Variants in SCFD2 observed in about 807,000 individuals in gnomAD.
The protein encoded by SCFD2 is sec1 family domain containing 2.
A neutral mutation model predicts 58.9 loss-of-function variants in SCFD2; 54 were observed. That is an observed-to-expected ratio of 0.92 (90% CI 0.74 to 1.15). The LOEUF is 1.15. SCFD2 is among the 50% of genes most tolerant of loss of function. The pLI is 0.00. For missense variants in SCFD2, 805 were observed against 836.6 expected (o/e 0.96, Z 0.47); for synonymous variants, 321 against 335.9 (o/e 0.96, Z 0.49).
At chr4:53,076,229 G>T (rs1371838281) in intron 5 of SCFD2, among the ~76,000 whole-genome samples, 2 of 151,838 alleles carry the variant, frequency 1.3e-5, no homozygotes, top group Non-Finnish European at 1.5e-5. Context: ...TCCCCTTTTG[G>T]TCTTTTCTAA....
intron 3 of SCFD2, among the ~76,000 whole-genome samples, chr4:53,310,766 T>C (rs1732666017): frequency 6.6e-6 from 1 of 152,240 alleles, no homozygotes; most frequent in African/African-American, 2.4e-5. Flanking sequence ...CTCTTGGTGC[T>C]CATAACGTTT....
At chr4:52,904,843 G>C (rs1719308402) in intron 7 of SCFD2, among the ~76,000 whole-genome samples, 1 of 152,194 alleles carries the variant, frequency 6.6e-6, no homozygotes, top group South Asian at 2.1e-4. Context: ...TTTCCTGTGT[G>C]CTCTTAGGAA....
At chr4:53,330,650 T>C (rs1405130067) in intron 2 of SCFD2, among the ~76,000 whole-genome samples, 7 of 151,390 alleles carry the variant, frequency 4.6e-5, no homozygotes, top group Non-Finnish European at 1.0e-4. Flanking sequence ...CATGCCAAAA[T>C]GTAAAGACCA....
chr4:52,962,673 A>AG (rs1253165785), intron 5 of SCFD2, among the ~76,000 whole-genome samples: 2 of 151,376 alleles, frequency 1.3e-5, no homozygotes, highest in African/African-American at 4.8e-5. Flanking sequence ...AATAGTTTAG[A>AG]GGGGGGCAGC....
chr4:53,109,537 C>T (rs1231675062), intron 5 of SCFD2, among the ~76,000 whole-genome samples: 1 of 152,130 alleles, frequency 6.6e-6, no homozygotes, highest in Non-Finnish European at 1.5e-5. Context: ...GATAAAAAAT[C>T]AATGTGCAAA....
chr4:53,233,374 C>T (rs1729499002), intron 4 of SCFD2, among the ~76,000 whole-genome samples: 1 of 152,156 alleles, frequency 6.6e-6, no homozygotes, highest in African/African-American at 2.4e-5. Flanking sequence ...GTTGTATCCT[C>T]CTTGTTTTTC....
intron 4 of SCFD2, among the ~76,000 whole-genome samples, chr4:53,158,021 G>A (rs1726740810): frequency 6.6e-6 from 1 of 152,162 alleles, no homozygotes; most frequent in Non-Finnish European, 1.5e-5. Context: ...AAACTTCCAG[G>A]TTGATGTCAA....
chr4:52,932,548 T>C (rs553997858), intron 5 of SCFD2, among the ~76,000 whole-genome samples: 46 of 152,330 alleles, frequency 3.0e-4, no homozygotes, highest in Non-Finnish European at 4.7e-4. Flanking sequence ...GTCTTTTTTT[T>C]CATATTTTTG....
chr4:53,240,398 G>T (rs904744803), intron 4 of SCFD2, among the ~76,000 whole-genome samples: 2 of 152,186 alleles, frequency 1.3e-5, no homozygotes, highest in Non-Finnish European at 2.9e-5. Context: ...AATGAAAAAT[G>T]GTAGGTAGTA....
intron 5 of SCFD2, among the ~76,000 whole-genome samples, chr4:53,033,738 G>A (rs1475544119): frequency 6.6e-6 from 1 of 152,030 alleles, no homozygotes; most frequent in Non-Finnish European, 1.5e-5. Flanking sequence ...ATAAATTCCT[G>A]GACACAACAC....
intron 4 of SCFD2, among the ~76,000 whole-genome samples, chr4:53,249,791 C>A (rs1349988279): frequency 1.3e-5 from 2 of 152,164 alleles, no homozygotes; most frequent in Non-Finnish European, 2.9e-5. Context: ...AAAAGAGCTC[C>A]TGAAGGAAGC....
intron 5 of SCFD2, among the ~76,000 whole-genome samples, chr4:53,027,075 C>T (rs1722493537): frequency 6.6e-6 from 1 of 152,182 alleles, no homozygotes; most frequent in African/African-American, 2.4e-5. Context: ...TATCAGTGAA[C>T]AGACCTGTCT....
intron 5 of SCFD2, among the ~76,000 whole-genome samples, chr4:53,036,038 T>C (rs1426037912): frequency 6.6e-6 from 1 of 151,812 alleles, no homozygotes; most frequent in African/African-American, 2.4e-5. Flanking sequence ...ATCGTTTTTG[T>C]TTTTATTTTA....
chr4:53,192,307 C>A (rs920760434), intron 4 of SCFD2, among the ~76,000 whole-genome samples: 1 of 152,130 alleles, frequency 6.6e-6, no homozygotes, highest in African/African-American at 2.4e-5. Flanking sequence ...TAGTCTAGTA[C>A]CTTTCCTTAT....
intron 3 of SCFD2, among the ~76,000 whole-genome samples, chr4:53,285,468 C>T (rs1731635429): frequency 6.6e-6 from 1 of 151,782 alleles, no homozygotes; most frequent in Non-Finnish European, 1.5e-5. Context: ...AAACTGCTAG[C>T]CATATTATCA....
chr4:52,957,121 T>C (rs1213405428), intron 5 of SCFD2: 1 of 152,110 alleles, frequency 6.6e-6, no homozygotes, highest in Non-Finnish European at 1.5e-5. Context: ...AATGCAAATG[T>C]TGCTGACATG....
At chr4:53,277,068 T>C (rs1191799589) in intron 3 of SCFD2, among the ~76,000 whole-genome samples, 1 of 152,190 alleles carries the variant, frequency 6.6e-6, no homozygotes, top group Non-Finnish European at 1.5e-5. Flanking sequence ...TATTGATTCA[T>C]TGATTCAACA....
chr4:53,145,410 T>C lies in SCFD2; in HGVS notation c.1484A>G (p.Glu495Gly). Reference sequence around the variant, plus strand: ...AGCCAATGCTTTCTTGACTTTTTCTTCTGCTTCACACAGGTCTTTGTCTAC... The same window carrying C: ...AGCCAATGCTTTCTTGACTTTTTCTCCTGCTTCACACAGGTCTTTGTCTAC... ...LTVDKDLCEA[E>G]EKVKKALAQV... Residue 495 changes from glutamate (E) to glycine (G), a missense_variant, in exon 5 of 9, where the codon GAA becomes GGA. Physicochemically the swap from Glu to Gly is moderately conservative, Grantham distance 98 (BLOSUM62 -2). Around this residue, in one of 3 missense-constraint regions of SCFD2, gnomAD observed 633 missense variants for 646.8 expected, o/e 0.98. Coordinates refer to ENST00000401642, the MANE Select transcript of SCFD2 (RefSeq NM_152540.4). The C allele has an allele frequency of 6.2e-7, 1 of 1,614,134 alleles. No individual in the cohort carries two copies. The highest frequency in any genetic ancestry group is 8.5e-7 in the Non-Finnish European group (1 of 1,179,988).
chr4:53,240,559 T>A (rs1415909240), intron 4 of SCFD2, among the ~76,000 whole-genome samples: 1 of 152,210 alleles, frequency 6.6e-6, no homozygotes, highest in Admixed American at 6.5e-5. Flanking sequence ...TAAATACAAA[T>A]GACCAAAGGG....
Sources: gnomAD v4.1 joint callset for allele counts (sites outside exome capture counted in the v4.1 genomes callset) on GRCh38, gnomAD v4.1.1 for gene constraint, gnomAD v4.1.1 regional missense constraint, MANE v1.5 for transcripts, NCBI Gene and HGNC (gene_info 2026-07-23, HGNC 2026-07-21) for gene names.